Variants in ARHGEF2 observed in about 807,000 individuals in gnomAD.
ARHGEF2 encodes the protein Rho/Rac guanine nucleotide exchange factor 2, also known as rho guanine nucleotide exchange factor 2.
ARHGEF2 carries 22 observed loss-of-function variants against 121.0 expected under a neutral mutation model. The ratio of observed to expected loss-of-function variants is 0.18; its 90% confidence interval spans 0.13 to 0.26. The LOEUF is 0.26. ARHGEF2 is among the 10% of genes least tolerant of loss of function. ARHGEF2 has a pLI of 1.00. For missense variants in ARHGEF2, 907 were observed against 1,336.0 expected, an observed-to-expected ratio of 0.68 and a Z score of 5.01; for synonymous variants, 487 against 530.0, an observed-to-expected ratio of 0.92 and a Z score of 1.11.
At chr1:155,958,110 C>T (rs566982550) in intron 12 of ARHGEF2, among the ~76,000 whole-genome samples, 4 of 152,304 alleles carry the variant, frequency 2.6e-5, no homozygotes, top group Admixed American at 6.5e-5. Flanking sequence ...AAAATGAGGA[C>T]GAAAATAATC....
intron 21 of ARHGEF2, among the ~76,000 whole-genome samples, chr1:155,948,864 A>C (rs1674822381): frequency 6.6e-6 from 1 of 152,104 alleles, no homozygotes; most frequent in African/African-American, 2.4e-5. Context: ...CTGTCAACTC[A>C]ACCTGCTGGG....
chr1:155,953,763 AAAAG>A (rs1234919112), intron 14 of ARHGEF2, among the ~76,000 whole-genome samples: 73 of 151,706 alleles, frequency 4.8e-4, no homozygotes, highest in Non-Finnish European at 7.5e-4. Context: ...AAAAAAAAAA[AAAAG>A]AAAGAAAGAA....
upstream of ARHGEF2, chr1:155,979,380 C>A: frequency 1.0e-6 from 1 of 961,104 alleles, no homozygotes; most frequent in South Asian, 4.8e-5. Context: ...GCCCAACCAG[C>A]CTCTCCCCAA....
intron 1 of ARHGEF2, among the ~76,000 whole-genome samples, chr1:155,976,257 C>T (rs1204304322): frequency 6.6e-6 from 1 of 151,876 alleles, no homozygotes; most frequent in African/African-American, 2.4e-5. Context: ...AGCTGGTGTG[C>T]TGGGGGGAGG....
rs1045746339 is a variant in ARHGEF2 at position 155,975,162 on chromosome 1, G to A, written c.63+3203C>T. On this transcript the variant is annotated intron_variant, in intron 1 of 21. Transcript: ENST00000361247. ...CTACTTCCTCGTGGCCAGAGAGCAC[G>A]AACCCCCTACTTTGCTGACCACTGT... Among the ~76,000 whole-genome samples the A allele has an allele frequency of 2.6e-5, 4 of 152,104 alleles. No individual in the cohort carries two copies. In the South Asian group the frequency reaches 8.3e-4, roughly 31 times the overall value.
intron 14 of ARHGEF2, among the ~76,000 whole-genome samples, chr1:155,954,570 G>T (rs1415180316): frequency 6.9e-6 from 1 of 145,856 alleles, no homozygotes; most frequent in African/African-American, 2.5e-5. Context: ...TTACAGGCGT[G>T]AGCCACCGCG....
At position 155,950,797 on chromosome 1, in the gene ARHGEF2, C is replaced by A. The variant is rs377097661; in HGVS notation, c.2703+32G>T. ...GGCTCCATGGACCCTTATGTCCACC[C>A]CAGGTCCATTCACCACTGCAGGCCA... is the stretch of plus-strand genomic sequence containing the variant. On this transcript the variant is annotated intron_variant, in intron 20 of 21. Coordinates refer to ENST00000361247, the MANE Select transcript of ARHGEF2 (RefSeq NM_001162383.2). This position sits in a 1 kb window ranked among gnomAD's most constrained non-coding sequence, Gnocchi z 5.2. 7 of 1,512,432 alleles carry A rather than the reference C, an allele frequency of 4.6e-6. No homozygotes were observed. The African/African-American group carries it at 9.8e-5, about 21-fold the overall frequency. The allele number at this position is 1,512,432 out of a possible 1,614,324, so 93.7% of individuals were successfully genotyped here. A position where few individuals can be genotyped will look rare whatever the true frequency, so the allele number is the denominator to read the frequency against.
chr1:155,958,738 C>T (rs1176749727), intron 11 of ARHGEF2, among the ~76,000 whole-genome samples: 2 of 151,558 alleles, frequency 1.3e-5, no homozygotes, highest in Non-Finnish European at 2.9e-5. Flanking sequence ...GCCACCATGC[C>T]CGGCTAATTT....
intron 2 of ARHGEF2, 113 bp from the exon 3 acceptor site, chr1:155,967,000 C>T: frequency 2.0e-6 from 2 of 991,736 alleles, no homozygotes; most frequent in Non-Finnish European, 3.2e-6. Flanking sequence ...GGACTCTCCC[C>T]CCTTCCCCGA....
rs1158844428 is a variant in ARHGEF2 at position 155,964,897 on chromosome 1, AAAAAAAAAAAAAG to A, written c.724+78_724+90del. 4 of 1,385,130 alleles carry A rather than the reference AAAAAAAAAAAAAG, an allele frequency of 2.9e-6. No individual in the cohort carries two copies. In the African/African-American group the frequency reaches 5.9e-5, roughly 20 times the overall value. The allele number at this position is 1,385,130 out of a possible 1,614,324, so 85.8% of individuals were successfully genotyped here. On this transcript the variant is annotated intron_variant, in intron 7 of 21. Coordinates refer to ENST00000361247, the MANE Select transcript of ARHGEF2 (RefSeq NM_001162383.2). ...GAGAGAGTGAGACTCCATCTCAAAA[AAAAAAAAAAAAAG>A]AAAAAGAAAAATAAAGAAGGAAGTA...
chr1:155,962,208 G>A lies in ARHGEF2; in HGVS notation c.1116C>T (p.Pro372=), dbSNP rs1000578033. Residue 372 remains proline, a synonymous_variant, in exon 10 of 22, where the codon CCC becomes CCT. Coordinates refer to ENST00000361247, the MANE Select transcript of ARHGEF2 (RefSeq NM_001162383.2). This position sits in a 1 kb window ranked among gnomAD's most constrained non-coding sequence, Gnocchi z 5.8. ...GTACCCCGTGCCGCTTGAGCACGGC[G>A]GGGCGGGTCACTTTCTACAAGGGAG... is the stretch of plus-strand genomic sequence containing the variant. The part of the protein sequence containing the change: ...FQQFIRKVTR[P]AVLKRHGVQE... 1.8e-5 allele frequency: 29 copies of A among 1,613,930 alleles called. No homozygotes were observed. The highest frequency in any genetic ancestry group is 1.6e-4 in the Middle Eastern group (1 of 6,082).
At position 155,951,479 on chromosome 1, in the gene ARHGEF2, T is replaced by A; in HGVS notation, c.2259+4A>T. ...TTCCCCATTCAAGCCCTTGTCCTAC[T>A]GACCTGTAGGCCATGTAGAAGTCCA... is the stretch of plus-strand genomic sequence containing the variant. On this transcript the variant is annotated splice_donor_region_variant and intron_variant, in intron 19 of 21. Coordinates refer to ENST00000361247, the MANE Select transcript of ARHGEF2 (RefSeq NM_001162383.2). This position sits in a 1 kb window ranked among gnomAD's most constrained non-coding sequence, Gnocchi z 5.1. 6.2e-7 allele frequency: 1 copy of A among 1,614,168 alleles called. No homozygotes were observed.
Position 155,951,029 on chromosome 1 carries a change from G to A in ARHGEF2, c.2503C>T (p.Leu835=), listed in dbSNP as rs1357818526. The A allele has an allele frequency of 6.2e-7, 1 of 1,604,748 alleles. No individual in the cohort carries two copies. The highest frequency in any genetic ancestry group is 1.3e-5 in the African/African-American group (1 of 74,924). Residue 835 remains leucine (L), a synonymous_variant, in exon 20 of 22, where the codon CTG becomes TTG. Transcript: ENST00000361247. This position sits in a 1 kb window ranked among gnomAD's most constrained non-coding sequence, Gnocchi z 5.1. ...GEERATEAGS[L]EARLRESEQA... is the part of the protein sequence containing the mutation. ...TCACTCTCCCGGAGCCGGGCCTCCAGGCTGCCAGCTTCGGTTGCCCGTTCT... is the reference window on the plus strand; with the variant it reads ...TCACTCTCCCGGAGCCGGGCCTCCAAGCTGCCAGCTTCGGTTGCCCGTTCT...
At position 155,962,150 on chromosome 1, in the gene ARHGEF2, T is replaced by C. The variant is rs970436939; in HGVS notation, c.1174A>G (p.Thr392Ala). The C allele has an allele frequency of 1.2e-6, 2 of 1,614,146 alleles. No individual in the cohort carries two copies. The highest frequency in any genetic ancestry group is 1.7e-6 in the Non-Finnish European group (2 of 1,180,022). Reference sequence around the variant, plus strand: ...CGGCTGATGAGTAACGGGTACTTGGTGATGCGCTGAGTCACCAGCAGGATG... The same window carrying C: ...CGGCTGATGAGTAACGGGTACTTGGCGATGCGCTGAGTCACCAGCAGGATG... ...ECILLVTQRI[T>A]KYPLLISRIL... Residue 392 changes from threonine (T) to alanine (A), a missense_variant, in exon 10 of 22, where the codon ACC (threonine) becomes GCC (alanine). Physicochemically the swap from Thr to Ala is moderately conservative, Grantham distance 58. Around this residue, in one of 2 missense-constraint regions of ARHGEF2, gnomAD observed 475 missense variants for 776.5 expected, o/e 0.61. Coordinates refer to ENST00000361247, the MANE Select transcript of ARHGEF2 (RefSeq NM_001162383.2). The surrounding 1 kb of genome is among the most constrained non-coding windows in gnomAD (Gnocchi z 5.8).
intron 12 of ARHGEF2, 34 bp downstream of exon 12, chr1:155,958,286 C>G (rs1224117751): frequency 1.3e-6 from 2 of 1,578,558 alleles, no homozygotes; most frequent in African/African-American, 2.7e-5. Context: ...AAACACTTGT[C>G]TGTGCTGAGA....
intron 11 of ARHGEF2, among the ~76,000 whole-genome samples, chr1:155,958,861 G>C (rs1299557079): frequency 1.4e-5 from 2 of 141,286 alleles, no homozygotes; most frequent in African/African-American, 5.2e-5. Flanking sequence ...TTACAGATAT[G>C]AGCCACCGCG....
chr1:155,969,510 A>G (rs568576919), intron 1 of ARHGEF2: 1 of 1,409,504 alleles, frequency 7.1e-7, no homozygotes, highest in East Asian at 2.6e-5. Context: ...GCCAGCCCGG[A>G]TGGGTTCTGG....
chr1:155,973,143 C>G (rs191329481), intron 1 of ARHGEF2, among the ~76,000 whole-genome samples: 4 of 152,050 alleles, frequency 2.6e-5, no homozygotes, highest in Non-Finnish European at 5.9e-5. Context: ...ACAATAGGCA[C>G]CCAATACATG....
Position 155,958,309 on chromosome 1 carries a change from GA to G in ARHGEF2, c.1545+10del. ...GTCTGTGCTGAGAAAGGTGAAGAAT[GA>G]ATGTCTCACCAGGGTAGGAAAGATG... On this transcript the variant is annotated intron_variant, in intron 12 of 21. Transcript: ENST00000361247. The G allele has an allele frequency of 6.2e-7, 1 of 1,606,630 alleles. No homozygotes were observed. Among genetic ancestry groups the G allele is most frequent in the Non-Finnish European group, 8.5e-7 (1 of 1,173,232 alleles).
Sources: allele counts gnomAD v4.1 joint callset (sites outside exome capture counted in the v4.1 genomes callset), GRCh38; gene constraint gnomAD v4.1.1; regional missense constraint gnomAD v4.1.1; non-coding constraint Gnocchi (gnomAD v3.1); transcripts MANE v1.5; gene names NCBI Gene and HGNC (gene_info 2026-07-23, HGNC 2026-07-21).